Variants in UPK1B observed in about 807,000 individuals in gnomAD.
UPK1B encodes the protein uroplakin-1b.
In UPK1B, 28 loss-of-function variants were observed where a neutral mutation model predicts 34.2. The ratio of observed to expected loss-of-function variants is 0.82; its 90% CI spans 0.61 to 1.12. UPK1B has a LOEUF of 1.12. UPK1B is among the 50% of genes most tolerant of loss of function. The pLI is 0.00. For missense variants in UPK1B, 325 were observed against 320.9 expected (o/e 1.01, Z -0.10); for synonymous variants, 81 against 110.4 (o/e 0.73, Z 1.67).
Position 119,199,129 on chromosome 3 carries a change from C to G in UPK1B, c.721C>G (p.Leu241Val). The change falls in exon 7 of 8, where the codon CTC becomes GTC. Residue 241 changes from leucine (L) to valine (V), a missense_variant. Transcript: ENST00000264234. ...WGVAWFGFAI[L>V]CWTFWVLLGT... is the part of the protein sequence containing the mutation. The stretch of plus-strand genomic sequence containing the variant: ...GGTTGCCTGGTTTGGATTTGCCATT[C>G]TCTGCTGGACTGTGAGTATTTCCCA... 6.2e-7 allele frequency: 1 copy of G among 1,614,130 alleles called. No individual in the cohort carries two copies. The highest frequency in any genetic ancestry group is 8.5e-7 in the Non-Finnish European group (1 of 1,179,994).
intron 7 of UPK1B, 123 bp downstream of exon 7, chr3:119,199,263 A>G: frequency 8.9e-7 from 1 of 1,117,528 alleles, no homozygotes; most frequent in Non-Finnish European, 1.3e-6. Context: ...CCTGAAGGCT[A>G]GTCAGGAAAC....
chr3:119,184,875 C>A (rs2078009944), intron 1 of UPK1B, among the ~76,000 whole-genome samples: 1 of 152,206 alleles, frequency 6.6e-6, no homozygotes, highest in Non-Finnish European at 1.5e-5. Flanking sequence ...GTTATCTGAA[C>A]TCCTACGTTT....
At chr3:119,179,487 G>A (rs1223904350) in intron 1 of UPK1B, among the ~76,000 whole-genome samples, 1 of 134,270 alleles carries the variant, frequency 7.4e-6, no homozygotes, top group Non-Finnish European at 1.6e-5. Flanking sequence ...GAAAATTTGG[G>A]GAAGAGTTGA....
At chr3:119,184,410 C>T (rs1004654912) in intron 1 of UPK1B, among the ~76,000 whole-genome samples, 44 of 152,152 alleles carry the variant, frequency 2.9e-4, no homozygotes, top group African/African-American at 8.9e-4. Flanking sequence ...TTTGAACCCA[C>T]GCTGTAATTG....
intron 7 of UPK1B, among the ~76,000 whole-genome samples, chr3:119,202,983 G>A (rs1334982888): frequency 6.6e-6 from 1 of 152,098 alleles, no homozygotes; most frequent in African/African-American, 2.4e-5. Flanking sequence ...TGATGCTTTG[G>A]AGCAGGATGG....
At chr3:119,185,350 C>T (rs1228721116) in intron 1 of UPK1B, among the ~76,000 whole-genome samples, 1 of 152,168 alleles carries the variant, frequency 6.6e-6, no homozygotes, top group Admixed American at 6.5e-5. Flanking sequence ...AGAAGGTTTG[C>T]CTCCCACTGC....
chr3:119,183,836 T>C (rs983337047), intron 1 of UPK1B, among the ~76,000 whole-genome samples: 8 of 152,216 alleles, frequency 5.3e-5, no homozygotes, highest in Non-Finnish European at 1.2e-4. Context: ...AAGTGCCCAA[T>C]AAATGGCAGT....
chr3:119,192,946 T>TC (rs60998733), intron 5 of UPK1B, among the ~76,000 whole-genome samples: 152,272 of 152,272 alleles, frequency 1, 76,136 homozygotes, highest in Non-Finnish European at 1. Context: ...ACACTTGTGG[T>TC]CCCATTTTCA....
At position 119,194,261 on chromosome 3, in the gene UPK1B, T is replaced by C; in HGVS notation, c.511T>C (p.Tyr171His). The part of the protein sequence containing the change: ...GVNGPSDWQK[Y>H]TSAFRTENND... ...AAATGGTCCATCAGACTGGCAAAAA[T>C]ACACATCTGCCTTCCGGACTGAGAA... The change falls in exon 6 of 8, where the codon TAC becomes CAC. Residue 171 changes from tyrosine (Y) to histidine (H), a missense_variant. Transcript: ENST00000264234. 6.2e-7 allele frequency: 1 copy of C among 1,614,028 alleles called. No homozygotes were observed. The highest frequency in any genetic ancestry group is 8.5e-7 in the Non-Finnish European group (1 of 1,179,934).
chr3:119,184,846 C>T (rs1190756262), intron 1 of UPK1B, among the ~76,000 whole-genome samples: 1 of 152,172 alleles, frequency 6.6e-6, no homozygotes, highest in Non-Finnish European at 1.5e-5. Context: ...GATTTCTGCC[C>T]TTTCCTCTCT....
rs1025665140 is a variant in UPK1B, at chr3:119,174,670, C to T, written c.-29+1032C>T. On this transcript the variant is annotated intron_variant, in intron 1 of 7. Coordinates refer to ENST00000264234, the MANE Select transcript of UPK1B (RefSeq NM_006952.4). ...ACAACGTTTCTTGAACATTTCTTGC[C>T]TGAGTTGCTAAGCACAACAGGAAAG... Among the ~76,000 whole-genome samples the T allele has an allele frequency of 3.3e-5, 5 of 152,196 alleles. 1 individual carries two copies. The highest frequency in any genetic ancestry group is 3.9e-4 in the East Asian group (2 of 5,188).
At position 119,194,378 on chromosome 3, in the gene UPK1B, C is replaced by A; in HGVS notation, c.628C>A (p.Pro210Thr). ...CCTGGAGGCTTGTAAACTAGGCGTG[C>A]CTGGTTTTTATCACAATCAGGTGAG... ...LNLEACKLGV[P>T]GFYHNQGCYE... The change falls in exon 6 of 8, where the codon CCT (proline) becomes ACT (threonine). Residue 210 changes from proline to threonine, a missense_variant. Transcript: ENST00000264234. 1 of 1,612,282 alleles carries A rather than the reference C, an allele frequency of 6.2e-7. No homozygotes were observed. Among genetic ancestry groups the A allele is most frequent in the East Asian group, 2.2e-5 (1 of 44,838 alleles).
At chr3:119,186,855 C>G (rs751938635) in intron 2 of UPK1B, 45 bp downstream of exon 2, 4 of 1,579,136 alleles carry the variant, frequency 2.5e-6, no homozygotes, top group Non-Finnish European at 3.5e-6. Flanking sequence ...TTCCTGTAAT[C>G]ATAATTCTAG....
chr3:119,192,924 G>A (rs1416249073), intron 5 of UPK1B, among the ~76,000 whole-genome samples: 2 of 115,976 alleles, frequency 1.7e-5, no homozygotes, highest in African/African-American at 6.9e-5. Context: ...GCAAATCTCA[G>A]AAGAGATGCC....
intron 1 of UPK1B, among the ~76,000 whole-genome samples, chr3:119,179,358 T>C (rs1485748347): frequency 8.3e-5 from 2 of 24,054 alleles, no homozygotes; most frequent in Non-Finnish European, 1.7e-4. Flanking sequence ...GGGAGATATA[T>C]ATATATATAT....
intron 7 of UPK1B, among the ~76,000 whole-genome samples, chr3:119,202,084 T>C (rs905647470): frequency 2.0e-5 from 3 of 152,162 alleles, no homozygotes; most frequent in Admixed American, 6.5e-5. Context: ...GGAAGGGAAT[T>C]AAATGATTAA....
In UPK1B at chr3:119,180,672, CTT is replaced by C. The variant is rs5852189; in HGVS notation, c.-28-6030_-28-6029del. Among the ~76,000 whole-genome samples the C allele has an allele frequency of 2.4e-3, 351 of 149,178 alleles. 1 individual carries two copies. The highest frequency in any genetic ancestry group is 5.7e-3 in the African/African-American group (230 of 40,570). The stretch of plus-strand genomic sequence containing the variant: ...GGAAAGGTCAACAAATTCATAATGT[CTT>C]TTTTTTTTTTTAAATATCCATTAGT... On this transcript the variant is annotated intron_variant, in intron 1 of 7. Coordinates refer to ENST00000264234, the MANE Select transcript of UPK1B (RefSeq NM_006952.4).
At chr3:119,174,349 T>G (rs936431876) in intron 1 of UPK1B, among the ~76,000 whole-genome samples, 1 of 152,250 alleles carries the variant, frequency 6.6e-6, no homozygotes, top group Admixed American at 6.5e-5. Flanking sequence ...TGATCACATT[T>G]TCACACAAAA....
In UPK1B at chr3:119,198,403, A is replaced by G. The variant is rs534477351; in HGVS notation, c.649-654A>G. Among the ~76,000 whole-genome samples the G allele has an allele frequency of 3.0e-3, 456 of 152,322 alleles. 2 individuals are homozygous for G. Among genetic ancestry groups the G allele is most frequent in the Middle Eastern group, 0.017 (5 of 294 alleles). On this transcript the variant is annotated intron_variant, in intron 6 of 7. Transcript: ENST00000264234. ...CGTGTATCACTCCAGAACTTTGCAC[A>G]GTGACTAGGATAGAGTGCGCCATGT...
Sources: allele counts gnomAD v4.1 joint callset (sites outside exome capture counted in the v4.1 genomes callset), GRCh38; gene constraint gnomAD v4.1.1; transcripts MANE v1.5; gene names NCBI Gene and HGNC (gene_info 2026-07-23, HGNC 2026-07-21).